CWC27: variants seen among roughly 807,000 people sequenced by gnomAD.
CWC27 encodes CWC27 spliceosome associated cyclophilin.
CWC27 carries 47 observed loss-of-function variants against 63.6 expected under a neutral mutation model. That is an observed-to-expected ratio of 0.74 (90% CI 0.58 to 0.94). The LOEUF is 0.94. Among genes scored for constraint, CWC27 ranks in the 40% least tolerant of loss-of-function variants. CWC27 has a pLI of 0.00. For synonymous variants in CWC27, 175 were observed against 179.8 expected (o/e 0.97, Z 0.22); for missense variants, 495 against 554.3 (o/e 0.89, Z 1.07).
chr5:64,885,648 T>A (rs1747053319), intron 11 of CWC27, 102 bp downstream of exon 11: 1 of 831,090 alleles, frequency 1.2e-6, no homozygotes, highest in African/African-American at 1.7e-5. Flanking sequence ...TCCCTTCTCC[T>A]TTCCTTCTCA....
chr5:64,904,129 T>G (rs1747570079), intron 11 of CWC27, among the ~76,000 whole-genome samples: 1 of 152,208 alleles, frequency 6.6e-6, no homozygotes. Flanking sequence ...CTCCAAGTTT[T>G]CATTAACAAA....
rs552953394 is a variant in CWC27, at chr5:64,914,590, G to GA, written c.1042+29046dup. ...TTAGAGCCAAACCACACATTCTTCA[G>GA]AATAGCTAAAAAGATTAACAGTAGC... On this transcript the variant is annotated intron_variant, in intron 11 of 13. Coordinates refer to ENST00000381070, the MANE Select transcript of CWC27 (RefSeq NM_005869.4). 1.3e-3 allele frequency among the ~76,000 whole-genome samples: 196 copies of GA among 152,064 alleles called. 1 individual carries two copies. The highest frequency in any genetic ancestry group is 4.3e-3 in the African/African-American group (180 of 41,426).
At chr5:64,831,492 A>AGATT (rs1745517850) in intron 10 of CWC27, among the ~76,000 whole-genome samples, 2 of 151,502 alleles carry the variant, frequency 1.3e-5, no homozygotes, top group African/African-American at 4.9e-5. Context: ...ATAGATAGAT[A>AGATT]GATAGATAGA....
In CWC27 at chr5:64,804,306, C is replaced by CA; in HGVS notation, c.864dup (p.Leu289IlefsTer10). 1 of 1,611,828 alleles carries CA rather than the reference C, an allele frequency of 6.2e-7. No homozygotes were observed. The highest frequency in any genetic ancestry group is 8.5e-7 in the Non-Finnish European group (1 of 1,179,056). On this transcript the variant is annotated frameshift_variant, in exon 10 of 14. Transcript: ENST00000381070. LOFTEE classifies it high-confidence loss of function. ...AGAACCTGATGAGAGAAAGAATTGC[C>CA]AAAAAATTAAAAAAGGACACAAGTG...
At chr5:64,940,701 A>G (rs935444785) in intron 11 of CWC27, among the ~76,000 whole-genome samples, 1 of 152,096 alleles carries the variant, frequency 6.6e-6, no homozygotes, top group Non-Finnish European at 1.5e-5. Context: ...TATTATGTCA[A>G]TATAAACTCT....
At chr5:64,949,002 C>G (rs1465304508) in intron 11 of CWC27, among the ~76,000 whole-genome samples, 3 of 151,930 alleles carry the variant, frequency 2.0e-5, no homozygotes, top group African/African-American at 7.2e-5. Context: ...ACTTTGAAAA[C>G]CACTGACTTA....
chr5:64,955,641 C>G (rs1374764686), intron 11 of CWC27, among the ~76,000 whole-genome samples: 1 of 152,082 alleles, frequency 6.6e-6, no homozygotes, highest in Non-Finnish European at 1.5e-5. Flanking sequence ...TTTTCCCCTA[C>G]CTTCACTCCA....
At chr5:64,866,489 G>T (rs1294147095) in intron 10 of CWC27, among the ~76,000 whole-genome samples, 1 of 152,032 alleles carries the variant, frequency 6.6e-6, no homozygotes, top group African/African-American at 2.4e-5. Flanking sequence ...AGGGTAGAAG[G>T]TTATGTTATT....
chr5:64,797,855 A>G (rs1036282432), intron 7 of CWC27, among the ~76,000 whole-genome samples: 1 of 152,216 alleles, frequency 6.6e-6, no homozygotes, highest in Non-Finnish European at 1.5e-5. Context: ...ATAGCTCATT[A>G]ATGGACCAAG....
intron 9 of CWC27, among the ~76,000 whole-genome samples, chr5:64,801,671 G>T (rs533049298): frequency 4.5e-4 from 69 of 152,152 alleles, no homozygotes; most frequent in African/African-American, 1.7e-3. Flanking sequence ...ATATTGGTGT[G>T]TGGGCATCCT....
intron 11 of CWC27, among the ~76,000 whole-genome samples, chr5:64,949,686 G>A (rs1282959544): frequency 1.3e-5 from 2 of 151,964 alleles, no homozygotes; most frequent in Non-Finnish European, 2.9e-5. Context: ...CATGTTCCAT[G>A]AAGACTAGAT....
Position 64,851,125 on chromosome 5 carries a change from C to T in CWC27, c.939-34318C>T, listed in dbSNP as rs78086482. Among the ~76,000 whole-genome samples the T allele has an allele frequency of 8.5e-3, 1,297 of 152,258 alleles. 10 individuals carry two copies. The highest frequency in any genetic ancestry group is 0.034 in the Middle Eastern group (10 of 294). On this transcript the variant is annotated intron_variant, in intron 10 of 13. Transcript: ENST00000381070. ...TGTTCATTGCAGCACTATTCACAGT[C>T]GCCAAGTTACGGACTCAACTTAAGT...
At chr5:64,881,716 T>TA (rs1197146953) in intron 10 of CWC27, among the ~76,000 whole-genome samples, 1 of 152,154 alleles carries the variant, frequency 6.6e-6, no homozygotes, top group Non-Finnish European at 1.5e-5. Flanking sequence ...AGTTAAGTCT[T>TA]ATAATAGCTA....
At chr5:64,816,166 A>C (rs1745021898) in intron 10 of CWC27, among the ~76,000 whole-genome samples, 1 of 152,122 alleles carries the variant, frequency 6.6e-6, no homozygotes, top group African/African-American at 2.4e-5. Context: ...AAGTAAATTG[A>C]CTGGATTTCT....
chr5:64,786,164 C>CAAAA (rs1209111233), intron 5 of CWC27, among the ~76,000 whole-genome samples: 27 of 63,802 alleles, frequency 4.2e-4, no homozygotes, highest in Non-Finnish European at 5.3e-4. Flanking sequence ...GACTCCATCT[C>CAAAA]AAAAAAAAAA....
chr5:64,894,474 ACTTAGAGT>A (rs1399335552), intron 11 of CWC27, among the ~76,000 whole-genome samples: 3 of 152,098 alleles, frequency 2.0e-5, no homozygotes, highest in African/African-American at 7.2e-5. Flanking sequence ...CCCTAGGCAA[ACTTAGAGT>A]CTTTTGGAGA....
intron 11 of CWC27, among the ~76,000 whole-genome samples, chr5:64,945,735 C>T: frequency 6.6e-6 from 1 of 152,054 alleles, no homozygotes; most frequent in East Asian, 1.9e-4. Flanking sequence ...AGTCCTCTTT[C>T]CATAATGGTA....
intron 11 of CWC27, among the ~76,000 whole-genome samples, chr5:64,969,269 CA>C (rs1337063453): frequency 6.6e-6 from 1 of 152,300 alleles, no homozygotes; most frequent in East Asian, 1.9e-4. Context: ...TAAAGGTTTT[CA>C]ATCTTTTTTA....
At position 64,845,164 on chromosome 5, in the gene CWC27, AACTCCCAACAAGCT is replaced by A. The variant is rs1437710795; in HGVS notation, c.939-40278_939-40265del. On this transcript the variant is annotated intron_variant, in intron 10 of 13. Coordinates refer to ENST00000381070, the MANE Select transcript of CWC27 (RefSeq NM_005869.4). ...AAGGCATCTGCCCAGCAAATTAGAG[AACTCCCAACAAGCT>A]CTGACTCCCTGGGATCATCACCAGC... is the stretch of plus-strand genomic sequence containing the variant. Among the ~76,000 whole-genome samples, 34 of 152,250 alleles carry A rather than the reference AACTCCCAACAAGCT, an allele frequency of 2.2e-4. No individual in the cohort carries two copies. The South Asian group carries it at 2.5e-3, about 11-fold the overall frequency.
Sources: gnomAD v4.1 joint callset for allele counts (sites outside exome capture counted in the v4.1 genomes callset) on GRCh38, gnomAD v4.1.1 for gene constraint, MANE v1.5 for transcripts, NCBI Gene and HGNC (gene_info 2026-07-23, HGNC 2026-07-21) for gene names.